Variants in SHD observed in about 807,000 individuals in gnomAD.
The protein encoded by SHD is SH2 domain-containing adapter protein D.
A neutral mutation model predicts 31.2 loss-of-function variants in SHD; 29 were observed. That is an observed-to-expected ratio of 0.93 (90% confidence interval 0.69 to 1.27). SHD has a LOEUF of 1.27. Among genes scored for constraint, SHD ranks in the 50% most tolerant of loss-of-function variants. SHD has a pLI of 0.00. For missense variants in SHD, 520 were observed against 453.8 expected (o/e 1.15, Z -1.33); for synonymous variants, 208 against 187.8 (o/e 1.11, Z -0.88).
Position 4,285,056 on chromosome 19 carries a change from C to T in SHD, c.716+152C>T, listed in dbSNP as rs377341918. 1.3e-4 allele frequency: 125 copies of T among 998,282 alleles called. No homozygotes were observed. The East Asian group carries it at 2.5e-3, about 20-fold the overall frequency. 61.8% of individuals were successfully genotyped at this position (998,282 alleles called of 1,614,324 possible). On this transcript the variant is annotated intron_variant, in intron 4 of 5. Transcript: ENST00000543264. ...TATTTCTTCAGCTAATCTTTACGGG[C>T]TCCAGAGCCTGCTGCGTGCCAGGCA...
chr19:4,287,465 C>A (rs145448917), intron 4 of SHD, among the ~76,000 whole-genome samples: 34 of 152,054 alleles, frequency 2.2e-4, no homozygotes, highest in African/African-American at 7.2e-4. Context: ...GTCAAGTGTA[C>A]GATAACCAGG....
chr19:4,288,944 T>C (rs1421930155), intron 5 of SHD, among the ~76,000 whole-genome samples: 1 of 151,942 alleles, frequency 6.6e-6, no homozygotes, highest in Non-Finnish European at 1.5e-5. Context: ...GAGACCAGCC[T>C]GGCCAACATG....
intron 4 of SHD, among the ~76,000 whole-genome samples, chr19:4,286,856 G>A (rs1200074139): frequency 2.0e-5 from 3 of 151,908 alleles, no homozygotes; most frequent in African/African-American, 7.3e-5. Flanking sequence ...CTCCAGCCTG[G>A]CGACAGAGTG....
At position 4,282,976 on chromosome 19, in the gene SHD, G is replaced by C. The variant is rs756120235; in HGVS notation, c.403+1G>C. ...TACGATGCCCAATGGGTCATGAGTGGTGAGTAGGCACGGCTTGGGGGAAGG... is the reference window on the plus strand; with the variant it reads ...TACGATGCCCAATGGGTCATGAGTGCTGAGTAGGCACGGCTTGGGGGAAGG... On this transcript the variant is annotated splice_donor_variant, in intron 2 of 5. Coordinates refer to ENST00000543264, the MANE Select transcript of SHD (RefSeq NM_020209.4). LOFTEE classifies it high-confidence loss of function. 1.2e-6 allele frequency: 2 copies of C among 1,614,106 alleles called. No individual in the cohort carries two copies. Among genetic ancestry groups the C allele is most frequent in the South Asian group, 2.2e-5 (2 of 91,078 alleles).
intron 4 of SHD, among the ~76,000 whole-genome samples, chr19:4,286,288 T>TTTCCTTCCTTCCTTCCTTCC (rs199916938): frequency 3.4e-4 from 38 of 113,400 alleles, no homozygotes; most frequent in African/African-American, 1.1e-3. Context: ...TCTTTTTTTC[T>TTTCCTTCCTTCCTTCCTTCC]TTCCTTCCTT....
At chr19:4,283,577 T>C (rs116900564) in intron 3 of SHD, among the ~76,000 whole-genome samples, 3,209 of 151,852 alleles carry the variant, frequency 0.021, 61 homozygotes, top group Middle Eastern at 0.041. Context: ...TTTTATTTTA[T>C]TTTTCTTTCG....
intron 4 of SHD, among the ~76,000 whole-genome samples, chr19:4,286,235 C>T (rs1400668820): frequency 1.8e-4 from 11 of 60,256 alleles, no homozygotes; most frequent in South Asian, 1.3e-3. Context: ...TCTTTCTTTT[C>T]TTTCTTTCTT....
chr19:4,287,082 C>A (rs565648135), intron 4 of SHD, among the ~76,000 whole-genome samples: 78 of 152,090 alleles, frequency 5.1e-4, no homozygotes, highest in African/African-American at 1.7e-3. Flanking sequence ...GCCTGTAATC[C>A]CAGCACTTTG....
chr19:4,282,869 G>T lies in SHD; in HGVS notation c.298-1G>T. Reference sequence around the variant, plus strand: ...TCTTCTCCCCTTCCTTCTCTCCGCAGCTGGAAGCCGACACTGAGTATTTAG... The same window carrying T: ...TCTTCTCCCCTTCCTTCTCTCCGCATCTGGAAGCCGACACTGAGTATTTAG... On this transcript the variant is annotated splice_acceptor_variant, in intron 1 of 5. Transcript: ENST00000543264. LOFTEE classifies it high-confidence loss of function. The T allele has an allele frequency of 6.2e-7, 1 of 1,613,926 alleles. No homozygotes were observed. Among genetic ancestry groups the T allele is most frequent in the Non-Finnish European group, 8.5e-7 (1 of 1,179,938 alleles).
Position 4,280,129 on chromosome 19 carries a change from C to A in SHD, c.66C>A (p.Thr22=), listed in dbSNP as rs1183656855. 1 of 1,613,684 alleles carries A rather than the reference C, an allele frequency of 6.2e-7. No homozygotes were observed. Among genetic ancestry groups the A allele is most frequent in the South Asian group, 1.1e-5 (1 of 91,028 alleles). Reference sequence around the variant, plus strand: ...GGAGGCCCCCTCCGCAGCCGCCCACCCCGGACTACACCGAGAGCGACATCC... The same window carrying A: ...GGAGGCCCCCTCCGCAGCCGCCCACACCGGACTACACCGAGAGCGACATCC... The part of the protein sequence containing the change: ...GGRRPPPQPP[T]PDYTESDILR... The change falls in exon 1 of 6, where the codon ACC becomes ACA. Residue 22 remains threonine, a synonymous_variant. Transcript: ENST00000543264.
Position 4,283,001 on chromosome 19 carries a change from G to T in SHD, c.403+26G>T, listed in dbSNP as rs775962722. ...GTGAGTAGGCACGGCTTGGGGGAAG[G>T]TGACAGGGTCCCAGATGGGAGCAGG... On this transcript the variant is annotated intron_variant, in intron 2 of 5. Transcript: ENST00000543264. 6 of 1,613,976 alleles carry T rather than the reference G, an allele frequency of 3.7e-6. No homozygotes were observed. The South Asian group carries it at 5.5e-5, about 15-fold the overall frequency.
chr19:4,289,609 C>T (rs1034502601), intron 5 of SHD, among the ~76,000 whole-genome samples: 7 of 151,502 alleles, frequency 4.6e-5, no homozygotes, highest in African/African-American at 9.7e-5. Context: ...CTCGCTCTGT[C>T]GCCTAGGCTG....
chr19:4,286,192 C>T (rs533886771), intron 4 of SHD, among the ~76,000 whole-genome samples: 6 of 151,446 alleles, frequency 4.0e-5, no homozygotes, highest in East Asian at 1.9e-4. Flanking sequence ...GCACCTGGCC[C>T]GCTCTTTCTT....
At chr19:4,284,606 G>A in intron 3 of SHD, 175 bp from the exon 4 acceptor site, 1 of 629,740 alleles carries the variant, frequency 1.6e-6, no homozygotes, top group Non-Finnish European at 2.4e-6. Flanking sequence ...TCTTAGGAAG[G>A]CCAAAAGGTT....
rs753127352 is a variant in SHD at position 4,282,951 on chromosome 19, T to C, written c.379T>C (p.Tyr127His). 1.4e-5 allele frequency: 23 copies of C among 1,613,862 alleles called. No homozygotes were observed. Among genetic ancestry groups the C allele is most frequent in the Non-Finnish European group, 1.9e-5 (22 of 1,179,986 alleles). Reference sequence around the variant, plus strand: ...CCCGGATGATGGGTACATGGAGCCCTACGATGCCCAATGGGTCATGAGTGG... The same window carrying C: ...CCCGGATGATGGGTACATGGAGCCCCACGATGCCCAATGGGTCATGAGTGG... ...APPDDGYMEPYDAQWVMSELP... is the reference protein window; with the variant it reads ...APPDDGYMEPHDAQWVMSELP... Residue 127 changes from tyrosine (Y) to histidine (H), a missense_variant, in exon 2 of 6, where the codon TAC becomes CAC. Tyr to His is a moderately conservative substitution (Grantham distance 83). Coordinates refer to ENST00000543264, the MANE Select transcript of SHD (RefSeq NM_020209.4).
intron 5 of SHD, 71 bp downstream of exon 5, chr19:4,288,433 G>A: frequency 1.3e-6 from 2 of 1,499,820 alleles, no homozygotes; most frequent in South Asian, 1.3e-5. Flanking sequence ...TTAATTCAGA[G>A]GGAAGGGGAG....
At chr19:4,283,813 C>T (rs1307154277) in intron 3 of SHD, among the ~76,000 whole-genome samples, 4 of 150,758 alleles carry the variant, frequency 2.7e-5, no homozygotes. Flanking sequence ...CTTCTGACCT[C>T]GTGATCCACC....
chr19:4,289,640 G>A lies in SHD; in HGVS notation c.837-807G>A, dbSNP rs373041587. Among the ~76,000 whole-genome samples the A allele has an allele frequency of 4.0e-5, 6 of 150,862 alleles. No individual in the cohort carries two copies. In the South Asian group the frequency reaches 1.0e-3, roughly 26 times the overall value. On this transcript the variant is annotated intron_variant, in intron 5 of 5. Coordinates refer to ENST00000543264, the MANE Select transcript of SHD (RefSeq NM_020209.4). Reference sequence around the variant, plus strand: ...GGCTGGAGTATAGTGGCACGATCTCGGCTCACTGCAAGCTCCGCCTCCCGG... The same window carrying A: ...GGCTGGAGTATAGTGGCACGATCTCAGCTCACTGCAAGCTCCGCCTCCCGG...
chr19:4,281,109 G>A (rs1293886097), intron 1 of SHD, among the ~76,000 whole-genome samples: 2 of 152,048 alleles, frequency 1.3e-5, no homozygotes, highest in African/African-American at 4.8e-5. Flanking sequence ...CAGAACGGTA[G>A]TGACTTGGCT....
Sources: gnomAD v4.1 joint callset for allele counts (sites outside exome capture counted in the v4.1 genomes callset) on GRCh38, gnomAD v4.1.1 for gene constraint, MANE v1.5 for transcripts, NCBI Gene and HGNC (gene_info 2026-07-23, HGNC 2026-07-21) for gene names.